Variants in GRHL1 observed in about 807,000 individuals in gnomAD.
GRHL1 encodes the protein grainyhead like transcription factor 1.
A neutral mutation model predicts 75.7 loss-of-function variants in GRHL1; 38 were observed. The ratio of observed to expected loss-of-function variants is 0.50; its 90% CI spans 0.39 to 0.66. The LOEUF is 0.66. Among genes scored for constraint, GRHL1 ranks in the 30% least tolerant of loss-of-function variants. The pLI, the probability that GRHL1 is intolerant of heterozygous loss-of-function variation, is 0.00. For missense variants in GRHL1, 589 were observed against 767.5 expected, an observed-to-expected ratio of 0.77 and a Z score of 2.75; for synonymous variants, 266 against 279.4, an observed-to-expected ratio of 0.95 and a Z score of 0.48.
Position 9,962,546 on chromosome 2 carries a change from T to C in GRHL1, c.746+15T>C, listed in dbSNP as rs764627451. ...AGTGTTTCTGGGTAATAGATGTCTT[T>C]TAATTTGATTTTTAATTTGCAGCTT... On this transcript the variant is annotated intron_variant, in intron 5 of 15. Transcript: ENST00000324907. 2 of 1,319,180 alleles carry C rather than the reference T, an allele frequency of 1.5e-6. No homozygotes were observed. Among genetic ancestry groups the C allele is most frequent in the South Asian group, 2.4e-5 (2 of 84,738 alleles). 81.7% of individuals were successfully genotyped at this position (1,319,180 alleles called of 1,614,324 possible). A position where few individuals can be genotyped will look rare whatever the true frequency, so the allele number is the denominator to read the frequency against.
intron 3 of GRHL1, chr2:9,960,001 ATTTCTGG>A: frequency 6.6e-6 from 1 of 152,270 alleles, no homozygotes; most frequent in South Asian, 2.1e-4. Flanking sequence ...AGCCTATATG[ATTTCTGG>A]GGGCTTTGAA....
intron 15 of GRHL1, among the ~76,000 whole-genome samples, chr2:9,999,279 A>G (rs16867280): frequency 0.4 from 60,675 of 152,076 alleles, 12,594 homozygotes; most frequent in African/African-American, 0.5. Context: ...ATACGAAATT[A>G]CTTAGATAAA....
At chr2:9,958,688 G>A in intron 2 of GRHL1, 98 bp from the exon 3 acceptor site, 1 of 877,496 alleles carries the variant, frequency 1.1e-6, no homozygotes, top group Middle Eastern at 2.2e-4. Context: ...GTAGATAAAT[G>A]AATGATTGAA....
In GRHL1 at chr2:9,991,588, GAT is replaced by G. The variant is rs1156965346; in HGVS notation, c.1322-416_1322-415del. Among the ~76,000 whole-genome samples the G allele has an allele frequency of 5.3e-5, 8 of 152,312 alleles. No individual in the cohort carries two copies. In the East Asian group the frequency reaches 9.6e-4, roughly 18 times the overall value. On this transcript the variant is annotated intron_variant, in intron 10 of 15. Coordinates refer to ENST00000324907, the MANE Select transcript of GRHL1 (RefSeq NM_198182.3). ...ACTTCACCTCATTGTCGAGTTTCTTGATATGTTCTGAAGTCAATGGGTCCATG... is the reference window on the plus strand; with the variant it reads ...ACTTCACCTCATTGTCGAGTTTCTTGATGTTCTGAAGTCAATGGGTCCATG...
At position 10,001,964 on chromosome 2, in the gene GRHL1, C is replaced by T. The variant is rs1669285807; in HGVS notation, c.*1257C>T. ...AAAATATGTTACTATGGCAGGGGAA[C>T]ATTTTGTACACATTTAAGTATATAA... On this transcript the variant is annotated 3_prime_UTR_variant, in exon 16 of 16. Transcript: ENST00000324907. The T allele has an allele frequency of 3.3e-5, 5 of 152,670 alleles. No homozygotes were observed. The South Asian group carries it at 1.0e-3, about 32-fold the overall frequency. 9.5% of individuals were successfully genotyped at this position (152,670 alleles called of 1,614,324 possible). A position where few individuals can be genotyped will look rare whatever the true frequency, so the allele number is the denominator to read the frequency against.
In GRHL1 at chr2:9,953,007, G is replaced by A. The variant is rs781382198; in HGVS notation, c.20+1154G>A. The A allele has an allele frequency of 3.1e-4, 141 of 456,660 alleles. 2 individuals are homozygous for A. The highest frequency in any genetic ancestry group is 1.7e-3 in the South Asian group (110 of 64,580). 28.3% of individuals were successfully genotyped at this position (456,660 alleles called of 1,614,324 possible). On this transcript the variant is annotated intron_variant, in intron 1 of 15. Coordinates refer to ENST00000324907, the MANE Select transcript of GRHL1 (RefSeq NM_198182.3). ...CTGAAAGTGATGATGAGCCTTCGGCGACTGAAGCCTACTTCCTGACTGTCA... is the reference window on the plus strand; with the variant it reads ...CTGAAAGTGATGATGAGCCTTCGGCAACTGAAGCCTACTTCCTGACTGTCA...
chr2:9,972,032 C>T lies in GRHL1; in HGVS notation c.1110+6651C>T, dbSNP rs558560595. 5.6e-4 allele frequency among the ~76,000 whole-genome samples: 85 copies of T among 152,096 alleles called. 1 individual carries two copies. Among genetic ancestry groups the T allele is most frequent in the African/African-American group, 1.8e-3 (75 of 41,460 alleles). On this transcript the variant is annotated intron_variant, in intron 8 of 15. Coordinates refer to ENST00000324907, the MANE Select transcript of GRHL1 (RefSeq NM_198182.3). Reference sequence around the variant, plus strand: ...AGCGTACATTTGTCATCGCGCAGGCCGGAGGGTAAGGGCCAAGTGGAAGCT... The same window carrying T: ...AGCGTACATTTGTCATCGCGCAGGCTGGAGGGTAAGGGCCAAGTGGAAGCT...
chr2:9,970,912 C>G (rs1667697490), intron 8 of GRHL1, among the ~76,000 whole-genome samples: 1 of 152,120 alleles, frequency 6.6e-6, no homozygotes, highest in Non-Finnish European at 1.5e-5. Context: ...GAAGCTTTTC[C>G]ATGAGGGAGC....
At chr2:9,977,990 G>A (rs912180774) in intron 8 of GRHL1, among the ~76,000 whole-genome samples, 1 of 152,230 alleles carries the variant, frequency 6.6e-6, no homozygotes, top group Non-Finnish European at 1.5e-5. Context: ...GCCGGCGAGA[G>A]AGAATGAGAG....
chr2:9,951,729 C>A lies in GRHL1; in HGVS notation c.-105C>A, dbSNP rs528270541. The A allele has an allele frequency of 3.3e-5, 36 of 1,093,190 alleles. No individual in the cohort carries two copies. The highest frequency in any genetic ancestry group is 2.7e-4 in the African/African-American group (16 of 59,354). 67.7% of individuals were successfully genotyped at this position (1,093,190 alleles called of 1,614,324 possible). A position where few individuals can be genotyped will look rare whatever the true frequency, so the allele number is the denominator to read the frequency against. On this transcript the variant is annotated 5_prime_UTR_variant, in exon 1 of 16. Transcript: ENST00000324907. The surrounding 1 kb of genome is among the most constrained non-coding windows in gnomAD (Gnocchi z 4.2). ...AGCAAACCCAACCCGTCGGGGCCGCCGCTCCGGACCCGCAGCCGCCGCCGC... is the reference window on the plus strand; with the variant it reads ...AGCAAACCCAACCCGTCGGGGCCGCAGCTCCGGACCCGCAGCCGCCGCCGC...
At chr2:9,981,917 C>A (rs1216780955) in intron 8 of GRHL1, among the ~76,000 whole-genome samples, 4 of 152,354 alleles carry the variant, frequency 2.6e-5, no homozygotes, top group Admixed American at 2.6e-4. Flanking sequence ...TTCAGCTGAA[C>A]ACACAAGTTC....
chr2:9,998,874 GTACACATATATATACATA>G, intron 14 of GRHL1, 73 bp from the exon 15 acceptor site: 2 of 219,794 alleles, frequency 9.1e-6, no homozygotes, highest in Non-Finnish European at 1.5e-5. Flanking sequence ...GTATATATAT[GTACACATATATATACATA>G]TATATATATT....
At chr2:9,969,899 G>T (rs1381142034) in intron 8 of GRHL1, among the ~76,000 whole-genome samples, 1 of 144,754 alleles carries the variant, frequency 6.9e-6, no homozygotes, top group African/African-American at 2.6e-5. Context: ...CTGGACTGCA[G>T]TGGCGCTATC....
intron 7 of GRHL1, 105 bp from the exon 8 acceptor site, chr2:9,965,182 C>T: frequency 1.5e-6 from 1 of 661,878 alleles, no homozygotes; most frequent in Non-Finnish European, 2.7e-6. Flanking sequence ...TTAAATTGTC[C>T]AGAGGTGATA....
intron 5 of GRHL1, 111 bp downstream of exon 5, chr2:9,962,642 C>G (rs756794475): frequency 4.0e-4 from 278 of 699,008 alleles, no homozygotes; most frequent in Non-Finnish European, 7.4e-5. Flanking sequence ...CCTTATCTTA[C>G]TACTTTTACT....
intron 9 of GRHL1, among the ~76,000 whole-genome samples, chr2:9,989,569 G>A (rs1668556267): frequency 6.6e-6 from 1 of 151,692 alleles, no homozygotes; most frequent in South Asian, 2.1e-4. Context: ...TTTTTTCTTT[G>A]AGGGAGTCTC....
chr2:9,994,349 T>TATTATTATC (rs1668766171), intron 12 of GRHL1, among the ~76,000 whole-genome samples: 1 of 136,770 alleles, frequency 7.3e-6, no homozygotes, highest in Non-Finnish European at 1.6e-5. Context: ...TTATTATTAT[T>TATTATTATC]ATTGTAGAGA....
At chr2:9,970,555 C>T (rs1162366458) in intron 8 of GRHL1, among the ~76,000 whole-genome samples, 10 of 152,162 alleles carry the variant, frequency 6.6e-5, no homozygotes, top group African/African-American at 2.4e-4. Context: ...TTCTTGATGG[C>T]GTGATCTTAT....
In GRHL1 at chr2:9,965,333, T is replaced by A. The variant is rs758017922; in HGVS notation, c.1062T>A (p.Ile354=). 6.2e-7 allele frequency: 1 copy of A among 1,612,584 alleles called. No individual in the cohort carries two copies. The highest frequency in any genetic ancestry group is 1.1e-5 in the South Asian group (1 of 91,066). The change falls in exon 8 of 16, where the codon ATT becomes ATA. Residue 354 remains isoleucine (I), a synonymous_variant. Coordinates refer to ENST00000324907, the MANE Select transcript of GRHL1 (RefSeq NM_198182.3). ...SFNTISNIEE[I]AYNAISFTWD... ...ACACTATCAGTAACATCGAGGAGATTGCGTATAACGCCATTTCCTTCACAT... is the reference window on the plus strand; with the variant it reads ...ACACTATCAGTAACATCGAGGAGATAGCGTATAACGCCATTTCCTTCACAT...
Sources: gnomAD v4.1 joint callset for allele counts (sites outside exome capture counted in the v4.1 genomes callset) on GRCh38, gnomAD v4.1.1 for gene constraint, Gnocchi (gnomAD v3.1) non-coding constraint, MANE v1.5 for transcripts, NCBI Gene and HGNC (gene_info 2026-07-23, HGNC 2026-07-21) for gene names.